GPC5: variants seen among roughly 807,000 people sequenced by gnomAD.
The protein encoded by GPC5 is glypican 5.
A neutral mutation model predicts 53.9 loss-of-function variants in GPC5; 47 were observed. The observed-to-expected ratio is 0.87, with a 90% CI of 0.69 to 1.11. The LOEUF is 1.11. Among genes scored for constraint, GPC5 ranks in the 50% most tolerant of loss-of-function variants. GPC5 has a pLI of 0.00. For missense variants in GPC5, 748 were observed against 713.1 expected (o/e 1.05, Z -0.56); for synonymous variants, 286 against 263.3 (o/e 1.09, Z -0.84).
intron 7 of GPC5, among the ~76,000 whole-genome samples, chr13:92,642,134 G>A (rs796630492): frequency 6.6e-6 from 1 of 152,162 alleles, no homozygotes; most frequent in Non-Finnish European, 1.5e-5. Context: ...ACTATTTCTG[G>A]TTTTCCTCTG....
intron 7 of GPC5, among the ~76,000 whole-genome samples, chr13:92,262,304 C>T (rs1156560406): frequency 6.6e-6 from 1 of 152,022 alleles, no homozygotes; most frequent in Non-Finnish European, 1.5e-5. Context: ...ACAGGGCATT[C>T]GTGTTTTACT....
At chr13:92,635,402 TA>T (rs1430815949) in intron 7 of GPC5, among the ~76,000 whole-genome samples, 3 of 152,146 alleles carry the variant, frequency 2.0e-5, no homozygotes, top group African/African-American at 4.8e-5. Context: ...CACCAGCATG[TA>T]GACAGGGATT....
rs150180252 is a variant in GPC5 at position 91,816,286 on chromosome 13, G to A, written c.1280+59866G>A. 3.9e-3 allele frequency among the ~76,000 whole-genome samples: 598 copies of A among 152,202 alleles called. 3 individuals carry two copies. Among genetic ancestry groups the A allele is most frequent in the African/African-American group, 0.014 (571 of 41,506 alleles). ...TGTCTACCTGTGATACTCAAGGTGG[G>A]CATTGGAAAGTATTGTTGAGTGAAT... On this transcript the variant is annotated intron_variant, in intron 5 of 7. Transcript: ENST00000377067.
intron 2 of GPC5, among the ~76,000 whole-genome samples, chr13:91,600,087 A>T (rs2139223119): frequency 6.6e-6 from 1 of 152,056 alleles, no homozygotes; most frequent in East Asian, 1.9e-4. Context: ...CACCCAGCTA[A>T]TTTTTTTGTA....
chr13:91,770,014 G>C (rs1321463755), intron 5 of GPC5, among the ~76,000 whole-genome samples: 4 of 152,154 alleles, frequency 2.6e-5, no homozygotes, highest in African/African-American at 7.2e-5. Flanking sequence ...CCCAGATTAT[G>C]CACAACTTCC....
intron 7 of GPC5, among the ~76,000 whole-genome samples, chr13:92,403,127 G>A (rs770260939): frequency 2.0e-5 from 3 of 152,032 alleles, no homozygotes; most frequent in Non-Finnish European, 4.4e-5. Flanking sequence ...TTTGCCTAAC[G>A]CATTTCTATG....
chr13:92,544,866 G>A (rs1308260766), intron 7 of GPC5, among the ~76,000 whole-genome samples: 1 of 151,450 alleles, frequency 6.6e-6, no homozygotes, highest in Non-Finnish European at 1.5e-5. Flanking sequence ...GAATGAAGGG[G>A]GTAAAGTTAA....
At chr13:92,236,963 G>A (rs1270203266) in intron 7 of GPC5, among the ~76,000 whole-genome samples, 2 of 151,846 alleles carry the variant, frequency 1.3e-5, no homozygotes, top group East Asian at 3.9e-4. Flanking sequence ...TAATTAGAGT[G>A]ATATAAATCA....
At chr13:92,569,642 A>G (rs1227859954) in intron 7 of GPC5, among the ~76,000 whole-genome samples, 1 of 152,170 alleles carries the variant, frequency 6.6e-6, no homozygotes, top group Non-Finnish European at 1.5e-5. Flanking sequence ...GGAACAGGAC[A>G]GAGACATTAC....
chr13:91,468,155 A>C (rs1048009863), intron 2 of GPC5, among the ~76,000 whole-genome samples: 1 of 152,058 alleles, frequency 6.6e-6, no homozygotes, highest in South Asian at 2.1e-4. Flanking sequence ...TTCCACTTAC[A>C]CTTCCTCTGC....
intron 7 of GPC5, among the ~76,000 whole-genome samples, chr13:92,491,465 G>A (rs990092832): frequency 6.6e-6 from 1 of 152,020 alleles, no homozygotes; most frequent in Non-Finnish European, 1.5e-5. Flanking sequence ...TTGTTTTGAT[G>A]CTATAGAAAC....
intron 2 of GPC5, among the ~76,000 whole-genome samples, chr13:91,643,295 G>A (rs1566576255): frequency 6.6e-6 from 1 of 152,108 alleles, no homozygotes; most frequent in Non-Finnish European, 1.5e-5. Context: ...GTCAATGAAA[G>A]AGCACAAGTT....
intron 7 of GPC5, among the ~76,000 whole-genome samples, chr13:92,654,548 A>T (rs1199921763): frequency 6.6e-6 from 1 of 152,198 alleles, no homozygotes; most frequent in Non-Finnish European, 1.5e-5. Flanking sequence ...TATATTTCTA[A>T]TTTGAGAGAA....
chr13:92,477,024 C>G (rs1052527038), intron 7 of GPC5, among the ~76,000 whole-genome samples: 3 of 146,744 alleles, frequency 2.0e-5, no homozygotes, highest in Non-Finnish European at 3.0e-5. Context: ...TGCACATGTA[C>G]CCTAAAACTT....
intron 4 of GPC5, among the ~76,000 whole-genome samples, chr13:91,734,631 C>T (rs2036775237): frequency 1.3e-5 from 2 of 151,558 alleles, no homozygotes; most frequent in South Asian, 2.1e-4. Flanking sequence ...TTTACTTATG[C>T]AAGGTTCTTT....
At chr13:92,837,765 G>C (rs1007539523) in intron 7 of GPC5, among the ~76,000 whole-genome samples, 1 of 152,142 alleles carries the variant, frequency 6.6e-6, no homozygotes, top group East Asian at 1.9e-4. Context: ...TGGAAGGCTG[G>C]AATAAACCAG....
intron 2 of GPC5, among the ~76,000 whole-genome samples, chr13:91,659,685 C>T (rs1394647212): frequency 1.3e-5 from 2 of 152,108 alleles, no homozygotes; most frequent in Non-Finnish European, 2.9e-5. Flanking sequence ...CTAGCAGCCT[C>T]GAGATGTTTA....
At chr13:92,089,054 G>A (rs1311922976) in intron 6 of GPC5, among the ~76,000 whole-genome samples, 1 of 152,196 alleles carries the variant, frequency 6.6e-6, no homozygotes, top group African/African-American at 2.4e-5. Flanking sequence ...ATAGAGGAAT[G>A]GAGAAGTACG....
chr13:91,616,210 A>G (rs1211875127), intron 2 of GPC5, among the ~76,000 whole-genome samples: 6 of 152,132 alleles, frequency 3.9e-5, no homozygotes, highest in Admixed American at 3.9e-4. Flanking sequence ...TTGTTTCATT[A>G]TGGAGCTGGG....
Sources: allele counts gnomAD v4.1 joint callset (sites outside exome capture counted in the v4.1 genomes callset), GRCh38; gene constraint gnomAD v4.1.1; transcripts MANE v1.5; gene names NCBI Gene and HGNC (gene_info 2026-07-23, HGNC 2026-07-21).